Variants in GALNTL6 observed in about 807,000 individuals in gnomAD.
GALNTL6 encodes the protein polypeptide N-acetylgalactosaminyltransferase like 6.
GALNTL6 carries 46 observed loss-of-function variants against 73.7 expected under a neutral mutation model. The observed-to-expected ratio is 0.62, with a 90% CI of 0.49 to 0.80. GALNTL6 has a LOEUF of 0.80. Among genes scored for constraint, GALNTL6 ranks in the 30% least tolerant of loss-of-function variants. The pLI is 0.00. For synonymous variants in GALNTL6, 259 were observed against 263.7 expected, an observed-to-expected ratio of 0.98 and a Z score of 0.17; for missense variants, 604 against 755.0, an observed-to-expected ratio of 0.80 and a Z score of 2.34.
At position 172,636,901 on chromosome 4, in the gene GALNTL6, A is replaced by T. The variant is rs138383822; in HGVS notation, c.554-172460A>T. Among the ~76,000 whole-genome samples, 331 of 152,288 alleles carry T rather than the reference A, an allele frequency of 2.2e-3. 3 individuals carry two copies. The highest frequency in any genetic ancestry group is 0.016 in the Admixed American group (246 of 15,292). On this transcript the variant is annotated intron_variant, in intron 5 of 12. Coordinates refer to ENST00000506823, the MANE Select transcript of GALNTL6 (RefSeq NM_001034845.3). ...TCTTCTTCCTAATAGTGGCTTTAAT[A>T]GTTTGATTTTTTTTCAACTCTGCTA...
chr4:171,838,350 G>A (rs529578857), intron 2 of GALNTL6, among the ~76,000 whole-genome samples: 6 of 151,910 alleles, frequency 3.9e-5, no homozygotes, highest in South Asian at 4.2e-4. Context: ...CTTGAACTCC[G>A]GACCTCAGGT....
chr4:172,691,669 C>T (rs1444338713), intron 5 of GALNTL6, among the ~76,000 whole-genome samples: 1 of 152,160 alleles, frequency 6.6e-6, no homozygotes, highest in Non-Finnish European at 1.5e-5. Flanking sequence ...AAGAACCCTG[C>T]CTCACTCCCC....
chr4:172,879,562 A>C (rs927622628), intron 7 of GALNTL6, among the ~76,000 whole-genome samples: 4 of 152,060 alleles, frequency 2.6e-5, no homozygotes, highest in Admixed American at 2.6e-4. Context: ...ATTAAAAAAT[A>C]TTTTGAACTG....
rs555102552 is a variant in GALNTL6, at chr4:172,837,381, T to A, written c.923+23658T>A. 7.9e-5 allele frequency among the ~76,000 whole-genome samples: 12 copies of A among 152,242 alleles called. No individual in the cohort carries two copies. The East Asian group carries it at 1.9e-3, about 24-fold the overall frequency. On this transcript the variant is annotated intron_variant, in intron 7 of 12. Transcript: ENST00000506823. The stretch of plus-strand genomic sequence containing the variant: ...CACAGGTCATTTGTGACTTTGATCA[T>A]CCATAGTTATTGTTTTATATATACT...
intron 5 of GALNTL6, among the ~76,000 whole-genome samples, chr4:172,703,151 C>A (rs982593391): frequency 1.4e-4 from 21 of 151,762 alleles, no homozygotes; most frequent in African/African-American, 4.8e-4. Flanking sequence ...TTTAAAAAAT[C>A]TTATAAATTT....
intron 5 of GALNTL6, among the ~76,000 whole-genome samples, chr4:172,425,091 A>C (rs904904630): frequency 6.6e-6 from 1 of 152,128 alleles, no homozygotes; most frequent in Admixed American, 6.6e-5. Context: ...AAAAGTATCA[A>C]AATTCTAATA....
At chr4:171,961,157 CAA>C (rs1267378340) in intron 2 of GALNTL6, among the ~76,000 whole-genome samples, 2 of 152,062 alleles carry the variant, frequency 1.3e-5, no homozygotes, top group East Asian at 1.9e-4. Context: ...AATTGTGTCC[CAA>C]AGTCTGTTTA....
chr4:172,027,284 AT>A (rs1415120994), intron 2 of GALNTL6, among the ~76,000 whole-genome samples: 1 of 152,220 alleles, frequency 6.6e-6, no homozygotes, highest in African/African-American at 2.4e-5. Context: ...GTCTATCAGC[AT>A]AATTATTCCA....
intron 12 of GALNTL6, among the ~76,000 whole-genome samples, chr4:173,028,101 C>T (rs1394525198): frequency 4.6e-5 from 7 of 152,104 alleles, no homozygotes. Flanking sequence ...ATGATCCAAA[C>T]ATTTAATGCA....
At chr4:172,568,951 T>C (rs942135854) in intron 5 of GALNTL6, among the ~76,000 whole-genome samples, 1 of 151,854 alleles carries the variant, frequency 6.6e-6, no homozygotes, top group South Asian at 2.1e-4. Context: ...TTAGTGTTAG[T>C]GTATTTTATG....
At chr4:171,941,337 C>T (rs996046811) in intron 2 of GALNTL6, among the ~76,000 whole-genome samples, 1 of 152,188 alleles carries the variant, frequency 6.6e-6, no homozygotes, top group Non-Finnish European at 1.5e-5. Flanking sequence ...AAAAATTAGC[C>T]TATGCAATAC....
At chr4:172,486,358 T>G (rs116328864) in intron 5 of GALNTL6, among the ~76,000 whole-genome samples, 2,928 of 152,264 alleles carry the variant, frequency 0.019, 86 homozygotes, top group African/African-American at 0.065. Context: ...CTCCAGATAA[T>G]TTATTAAGCT....
intron 5 of GALNTL6, among the ~76,000 whole-genome samples, chr4:172,351,187 C>CTATT (rs768006514): frequency 0.062 from 9,187 of 148,086 alleles, 327 homozygotes; most frequent in East Asian, 0.15. Flanking sequence ...ATCTGTCTAT[C>CTATT]TATCTATCTA....
chr4:172,185,043 GT>G (rs1016123750), intron 2 of GALNTL6, among the ~76,000 whole-genome samples: 5 of 152,122 alleles, frequency 3.3e-5, no homozygotes, highest in Admixed American at 3.3e-4. Flanking sequence ...TGAGTTCCAT[GT>G]TTTTCCTAAA....
intron 5 of GALNTL6, among the ~76,000 whole-genome samples, chr4:172,737,748 C>T (rs1308290925): frequency 6.6e-6 from 1 of 152,096 alleles, no homozygotes; most frequent in East Asian, 1.9e-4. Context: ...CTAACTTGTT[C>T]CAGTTTTTAT....
chr4:172,137,154 T>C (rs1339155120), intron 2 of GALNTL6, among the ~76,000 whole-genome samples: 1 of 152,130 alleles, frequency 6.6e-6, no homozygotes. Context: ...TATGTCATTA[T>C]TGACTGTTTT....
chr4:172,081,586 C>T (rs1221483728), intron 2 of GALNTL6, among the ~76,000 whole-genome samples: 8 of 152,230 alleles, frequency 5.3e-5, no homozygotes, highest in East Asian at 3.9e-4. Flanking sequence ...TGCAGTGAGC[C>T]GAGATTGCAC....
At chr4:172,959,899 C>G (rs1749952457) in intron 10 of GALNTL6, among the ~76,000 whole-genome samples, 1 of 152,146 alleles carries the variant, frequency 6.6e-6, no homozygotes, top group Non-Finnish European at 1.5e-5. Context: ...TTTGGAAGTT[C>G]TTGTGTGCTG....
At chr4:172,881,854 C>A (rs1745468017) in intron 7 of GALNTL6, among the ~76,000 whole-genome samples, 2 of 152,118 alleles carry the variant, frequency 1.3e-5, no homozygotes, top group Admixed American at 1.3e-4. Flanking sequence ...GTGAAGAGCC[C>A]TAGCGCAGCC....
Sources: allele counts gnomAD v4.1 joint callset (sites outside exome capture counted in the v4.1 genomes callset), GRCh38; gene constraint gnomAD v4.1.1; transcripts MANE v1.5; gene names NCBI Gene and HGNC (gene_info 2026-07-23, HGNC 2026-07-21).